Variants in DSC1 observed in about 807,000 individuals in gnomAD.
DSC1 encodes desmocollin 1.
In DSC1, 79 loss-of-function variants were observed where a neutral mutation model predicts 98.8. The observed-to-expected ratio is 0.80, with a 90% CI of 0.67 to 0.96. The LOEUF (loss-of-function observed/expected upper bound fraction) is 0.96, where lower values mean the gene tolerates loss of function less well. Ranked by LOEUF, DSC1 falls within the 50% of genes least tolerant of loss-of-function variation. DSC1 has a pLI of 0.00. For missense variants in DSC1, 1,115 were observed against 1,075.9 expected (o/e 1.04, Z -0.51); for synonymous variants, 405 against 372.1 (o/e 1.09, Z -1.02).
intron 9 of DSC1, among the ~76,000 whole-genome samples, chr18:31,140,701 T>C (rs980881677): frequency 6.6e-6 from 1 of 152,242 alleles, no homozygotes; most frequent in Admixed American, 6.5e-5. Flanking sequence ...TTGGCTATAA[T>C]ACAGCAGTTA....
At chr18:31,153,297 A>G (rs963704451) in intron 5 of DSC1, among the ~76,000 whole-genome samples, 3 of 152,116 alleles carry the variant, frequency 2.0e-5, no homozygotes, top group Non-Finnish European at 2.9e-5. Context: ...CTAGTGTTAG[A>G]TCTTTTCTCT....
At chr18:31,150,273 CT>C (rs1568002609) in intron 5 of DSC1, among the ~76,000 whole-genome samples, 1 of 125,154 alleles carries the variant, frequency 8.0e-6, no homozygotes, top group Non-Finnish European at 1.7e-5. Flanking sequence ...ATCATCACCA[CT>C]ACCATCACCA....
At chr18:31,132,724 C>A in intron 13 of DSC1, 35 bp from the exon 14 acceptor site, 1 of 1,572,650 alleles carries the variant, frequency 6.4e-7, no homozygotes, top group Non-Finnish European at 8.6e-7. Context: ...AAAACACAGA[C>A]ATTAAATCAT....
chr18:31,162,287 G>C (rs1989224120), intron 1 of DSC1, among the ~76,000 whole-genome samples: 1 of 152,182 alleles, frequency 6.6e-6, no homozygotes, highest in African/African-American at 2.4e-5. Context: ...CAGGATGGAA[G>C]AGGGATTCCC....
chr18:31,129,907 G>T lies in DSC1; in HGVS notation c.*607C>A, dbSNP rs1988447365. The T allele has an allele frequency of 6.6e-6, 1 of 152,306 alleles. No individual in the cohort carries two copies. The highest frequency in any genetic ancestry group is 2.1e-4 in the South Asian group (1 of 4,828). 9.4% of individuals were successfully genotyped at this position (152,306 alleles called of 1,614,324 possible). ...CTAACAACAAATCCACATGGGCAGAGGTCCAGGGACTGAGCTCTGAAGGAT... is the reference window on the plus strand; with the variant it reads ...CTAACAACAAATCCACATGGGCAGATGTCCAGGGACTGAGCTCTGAAGGAT... On this transcript the variant is annotated 3_prime_UTR_variant, in exon 16 of 16. Coordinates refer to ENST00000257198, the MANE Select transcript of DSC1 (RefSeq NM_024421.2).
At chr18:31,131,868 G>T in intron 14 of DSC1, 26 bp from the exon 15 acceptor site, 1 of 1,608,278 alleles carries the variant, frequency 6.2e-7, no homozygotes, top group South Asian at 1.1e-5. Context: ...GAGTGATAAA[G>T]TGAATTTGAA....
rs768967832 is a variant in DSC1 at position 31,134,612 on chromosome 18, A to G, written c.1836T>C (p.Asp612=). ...TGTTCCAGTTTTTACTGGCAGAATT[A>G]TCCAGAAAGAATTGAAAAGGTGGTC... ...ENGPPFQFFL[D]NSASKNWNIE... is the part of the protein sequence containing the mutation. The change falls in exon 12 of 16, where the codon GAT becomes GAC. Residue 612 remains aspartate (D), a synonymous_variant. Coordinates refer to ENST00000257198, the MANE Select transcript of DSC1 (RefSeq NM_024421.2). 6.2e-7 allele frequency: 1 copy of G among 1,612,358 alleles called. No individual in the cohort carries two copies. Among genetic ancestry groups the G allele is most frequent in the Non-Finnish European group, 8.5e-7 (1 of 1,179,090 alleles).
intron 15 of DSC1, among the ~76,000 whole-genome samples, chr18:31,131,141 C>A (rs534861137): frequency 1.3e-5 from 2 of 152,170 alleles, no homozygotes; most frequent in African/African-American, 4.8e-5. Context: ...TTAATCTGAA[C>A]ATAAAACAAA....
At chr18:31,141,303 T>C (rs1340936590) in intron 9 of DSC1, among the ~76,000 whole-genome samples, 2 of 152,160 alleles carry the variant, frequency 1.3e-5, no homozygotes, top group Admixed American at 1.3e-4. Flanking sequence ...AATTAAAGAA[T>C]ATTTTCTAAA....
At position 31,142,094 on chromosome 18, in the gene DSC1, T is replaced by C; in HGVS notation, c.1165A>G (p.Lys389Glu). The change falls in exon 9 of 16, where the codon AAG becomes GAG. Residue 389 changes from lysine to glutamate, a missense_variant. Coordinates refer to ENST00000257198, the MANE Select transcript of DSC1 (RefSeq NM_024421.2). The stretch of plus-strand genomic sequence containing the variant: ...CCTTGTAGGATTTTGTATACAGCCT[T>C]TGAGTGAGGAGTGTTTGGCAAATCC... The part of the protein sequence containing the change: ...DQDLPNTPHS[K>E]AVYKILQGNE... 2 of 1,613,402 alleles carry C rather than the reference T, an allele frequency of 1.2e-6. No homozygotes were observed. The highest frequency in any genetic ancestry group is 1.7e-6 in the Non-Finnish European group (2 of 1,179,726).
At position 31,143,794 on chromosome 18, in the gene DSC1, G is replaced by GA. The variant is rs763907793; in HGVS notation, c.940-4dup. 5.8e-6 allele frequency: 9 copies of GA among 1,539,168 alleles called. No homozygotes were observed. The East Asian group carries it at 9.4e-5, about 16-fold the overall frequency. The stretch of plus-strand genomic sequence containing the variant: ...ATTAACTGGTAAGTATCACATTTCT[G>GA]AAAAAAAGGAAAAAACTACATTAAT... On this transcript the variant is annotated splice_region_variant and splice_polypyrimidine_tract_variant and intron_variant, in intron 7 of 15. Transcript: ENST00000257198.
intron 6 of DSC1, 80 bp downstream of exon 6, chr18:31,148,418 A>T: frequency 7.0e-7 from 1 of 1,424,772 alleles, no homozygotes; most frequent in South Asian, 1.7e-5. Context: ...TGCAATGATA[A>T]AACGTAAACA....
chr18:31,132,406 T>C (rs1246214252), intron 14 of DSC1, 162 bp downstream of exon 14: 4 of 906,024 alleles, frequency 4.4e-6, no homozygotes, highest in African/African-American at 3.4e-5. Context: ...CCCTGTAGAA[T>C]TGGGAGGTTT....
chr18:31,159,503 A>G lies in DSC1; in HGVS notation c.90T>C (p.Cys30=). The G allele has an allele frequency of 6.2e-7, 1 of 1,612,316 alleles. No individual in the cohort carries two copies. The highest frequency in any genetic ancestry group is 8.5e-7 in the Non-Finnish European group (1 of 1,179,572). ...LLVLTLLCDA[C]QKVYLRVPSH... is the part of the protein sequence containing the mutation. Reference sequence around the variant, plus strand: ...AAGGAACTCGAAGATAAACTTTCTGACAAGCATCGCAAAGTAATGTTAAAA... The same window carrying G: ...AAGGAACTCGAAGATAAACTTTCTGGCAAGCATCGCAAAGTAATGTTAAAA... The change falls in exon 2 of 16, where the codon TGT becomes TGC. Residue 30 remains cysteine, a synonymous_variant. Coordinates refer to ENST00000257198, the MANE Select transcript of DSC1 (RefSeq NM_024421.2).
chr18:31,157,825 TTTA>T (rs1989130982), intron 2 of DSC1, among the ~76,000 whole-genome samples: 1 of 152,192 alleles, frequency 6.6e-6, no homozygotes, highest in Admixed American at 6.5e-5. Flanking sequence ...TGTCACTGAT[TTTA>T]TTCTCTTTTC....
chr18:31,150,109 TGCCATCACC>T lies in DSC1; in HGVS notation c.628-1476_628-1468del, dbSNP rs1598624986. Among the ~76,000 whole-genome samples the T allele has an allele frequency of 2.1e-5, 3 of 140,986 alleles. No homozygotes were observed. The East Asian group carries it at 7.1e-4, about 33-fold the overall frequency. The allele number at this position is 140,986 out of a possible 152,430, so 92.5% of individuals were successfully genotyped here. On this transcript the variant is annotated intron_variant, in intron 5 of 15. Transcript: ENST00000257198. The stretch of plus-strand genomic sequence containing the variant: ...AGCAGCTCCATCATCATCATGACAC[TGCCATCACC>T]ACCATCTCCACCATTATCACCATTA...
rs777301780 is a variant in DSC1 at position 31,145,755 on chromosome 18, G to C, written c.795C>G (p.Thr265=). 2.2e-5 allele frequency: 36 copies of C among 1,612,570 alleles called. No individual in the cohort carries two copies. Among genetic ancestry groups the C allele is most frequent in the Non-Finnish European group, 2.7e-5 (32 of 1,179,324 alleles). Residue 265 remains threonine, a synonymous_variant, in exon 7 of 16, where the codon ACC becomes ACG. Transcript: ENST00000257198. ...CRSGTSVGKV[T]ATDLDEPDTL... is the part of the protein sequence containing the mutation. Reference sequence around the variant, plus strand: ...TGTCAGGTTCGTCAAGGTCTGTGGCGGTCACTTTTCCCACTGAAGTTCCTG... The same window carrying C: ...TGTCAGGTTCGTCAAGGTCTGTGGCCGTCACTTTTCCCACTGAAGTTCCTG...
Position 31,143,777 on chromosome 18 carries a change from G to A in DSC1, c.954C>T (p.Tyr318=). Reference sequence around the variant, plus strand: ...TGTCTCGCACTTCCATTATTAACTGGTAAGTATCACATTTCTGAAAAAAAG... The same window carrying A: ...TGTCTCGCACTTCCATTATTAACTGATAAGTATCACATTTCTGAAAAAAAG... ...PFLDREKCDT[Y]QLIMEVRDMG... The change falls in exon 8 of 16, where the codon TAC becomes TAT. Residue 318 remains tyrosine, a synonymous_variant. Transcript: ENST00000257198. 6.3e-7 allele frequency: 1 copy of A among 1,587,142 alleles called. No homozygotes were observed. Among genetic ancestry groups the A allele is most frequent in the Non-Finnish European group, 8.6e-7 (1 of 1,167,982 alleles).
intron 5 of DSC1, among the ~76,000 whole-genome samples, chr18:31,150,354 C>T (rs56284347): frequency 2.9e-4 from 26 of 88,426 alleles, no homozygotes; most frequent in Non-Finnish European, 4.3e-4. Context: ...ACCACCACCA[C>T]CACCATCATC....
Sources: allele counts gnomAD v4.1 joint callset (sites outside exome capture counted in the v4.1 genomes callset), GRCh38; gene constraint gnomAD v4.1.1; transcripts MANE v1.5; gene names NCBI Gene and HGNC (gene_info 2026-07-23, HGNC 2026-07-21).